Variants in SYT2 observed in about 807,000 individuals in gnomAD.
The protein encoded by SYT2 is synaptotagmin-2.
In SYT2, 15 loss-of-function variants were observed where a neutral mutation model predicts 39.9. The observed-to-expected ratio is 0.38, with a 90% CI of 0.25 to 0.58. The LOEUF (loss-of-function observed/expected upper bound fraction) is 0.58, where lower values mean the gene tolerates loss of function less well. Among genes scored for constraint, SYT2 ranks in the 20% least tolerant of loss-of-function variants. The pLI, the probability that SYT2 is intolerant of heterozygous loss-of-function variation, is 0.70. For synonymous variants in SYT2, 181 were observed against 204.5 expected (o/e 0.89, Z 0.98); for missense variants, 389 against 530.3 (o/e 0.73, Z 2.62).
chr1:202,704,777 G>A (rs1654207401), intron 1 of SYT2, among the ~76,000 whole-genome samples: 2 of 152,178 alleles, frequency 1.3e-5, no homozygotes, highest in African/African-American at 4.8e-5. Context: ...ATCACAGATA[G>A]GGCTGCTGAG....
rs2078309 is a variant in SYT2 at position 202,623,504 on chromosome 1, G to A, written c.-17-17715C>T. ...AACCCACAGGCAGCTGTCCTGGGGC[G>A]GAGGAGAGGGTCTTCCATTGGTTGG... On this transcript the variant is annotated intron_variant, in intron 1 of 8. Transcript: ENST00000367268. This position sits in a 1 kb window ranked among gnomAD's most constrained non-coding sequence, Gnocchi z 4.2. Among the ~76,000 whole-genome samples the A allele has an allele frequency of 6.7e-3, 1,025 of 152,352 alleles. 6 individuals are homozygous for A. The highest frequency in any genetic ancestry group is 7.4e-3 in the Non-Finnish European group (506 of 68,036).
intron 1 of SYT2, among the ~76,000 whole-genome samples, chr1:202,637,062 G>A (rs914612129): frequency 6.6e-6 from 1 of 152,136 alleles, no homozygotes; most frequent in Admixed American, 6.5e-5. Context: ...GTTCACGCCT[G>A]TAATCCCAGC....
At chr1:202,695,148 A>C (rs1400681779) in intron 1 of SYT2, among the ~76,000 whole-genome samples, 1 of 152,186 alleles carries the variant, frequency 6.6e-6, no homozygotes, top group African/African-American at 2.4e-5. Flanking sequence ...TCCTCAGTAG[A>C]AGTGGAAAGC....
intron 5 of SYT2, 57 bp from the exon 6 acceptor site, chr1:202,602,114 T>C (rs1690526079): frequency 1.3e-6 from 2 of 1,594,108 alleles, no homozygotes; most frequent in Non-Finnish European, 8.6e-7. Flanking sequence ...CCTCCAGGGG[T>C]GCTATGGGCA....
intron 1 of SYT2, among the ~76,000 whole-genome samples, chr1:202,633,173 G>A (rs950992440): frequency 1.3e-5 from 2 of 152,130 alleles, no homozygotes; most frequent in Non-Finnish European, 2.9e-5. Flanking sequence ...ATGACCTAGG[G>A]GAAGCCACTA....
chr1:202,649,114 A>G (rs915194594), intron 1 of SYT2, among the ~76,000 whole-genome samples: 1 of 152,244 alleles, frequency 6.6e-6, no homozygotes, highest in African/African-American at 2.4e-5. Context: ...AAGCCTTGAC[A>G]GACAGGCACA....
At chr1:202,637,283 T>C (rs1261899295) in intron 1 of SYT2, among the ~76,000 whole-genome samples, 2 of 151,644 alleles carry the variant, frequency 1.3e-5, no homozygotes, top group Non-Finnish European at 2.9e-5. Flanking sequence ...CCTCGGGAAG[T>C]TGAGGCTGCA....
At chr1:202,652,756 A>G (rs1238596560) in intron 1 of SYT2, among the ~76,000 whole-genome samples, 1 of 152,204 alleles carries the variant, frequency 6.6e-6, no homozygotes, top group Non-Finnish European at 1.5e-5. Context: ...CCTGGCTTCA[A>G]AATCAGACCC....
At chr1:202,611,912 A>AT (rs1393978503) in intron 1 of SYT2, among the ~76,000 whole-genome samples, 1 of 151,960 alleles carries the variant, frequency 6.6e-6, no homozygotes, top group Non-Finnish European at 1.5e-5. Context: ...GTGCAGTGGC[A>AT]TGATCATGGC....
chr1:202,602,859 C>G (rs1201441872), intron 4 of SYT2, 140 bp downstream of exon 4: 2 of 1,081,918 alleles, frequency 1.8e-6, no homozygotes, highest in East Asian at 4.9e-5. Flanking sequence ...AGCTATAGGC[C>G]CTGCAGTTTC....
intron 1 of SYT2, among the ~76,000 whole-genome samples, chr1:202,689,268 C>T (rs1057466589): frequency 6.6e-6 from 1 of 152,118 alleles, no homozygotes; most frequent in Non-Finnish European, 1.5e-5. Flanking sequence ...CAATGATAAG[C>T]CTCAGATCCT....
At chr1:202,691,089 C>T (rs1260547030) in intron 1 of SYT2, among the ~76,000 whole-genome samples, 1 of 152,174 alleles carries the variant, frequency 6.6e-6, no homozygotes, top group Non-Finnish European at 1.5e-5. Context: ...AAGAAATGGT[C>T]ACTTGGCATC....
chr1:202,638,562 A>G (rs1691811642), intron 1 of SYT2, among the ~76,000 whole-genome samples: 1 of 152,220 alleles, frequency 6.6e-6, no homozygotes, highest in African/African-American at 2.4e-5. Context: ...GCTCCAAACA[A>G]TAAGGGAAAT....
At chr1:202,648,736 C>G (rs1342504326) in intron 1 of SYT2, among the ~76,000 whole-genome samples, 1 of 152,196 alleles carries the variant, frequency 6.6e-6, no homozygotes, top group Non-Finnish European at 1.5e-5. Flanking sequence ...TGTTCACAGT[C>G]AGGCTCCAGA....
In SYT2 at chr1:202,595,452, C is replaced by A. The variant is rs1690254246; in HGVS notation, c.*1305G>T. ...CTCCAGCTACCTATCAGCTCTCCAG[C>A]ATGGAGGGCAGAGGGCCAAGGGAGC... On this transcript the variant is annotated 3_prime_UTR_variant, in exon 9 of 9. Transcript: ENST00000367268. The A allele has an allele frequency of 6.6e-6, 1 of 152,262 alleles. No homozygotes were observed. Among genetic ancestry groups the A allele is most frequent in the Admixed American group, 6.5e-5 (1 of 15,286 alleles). 9.4% of individuals were successfully genotyped at this position (152,262 alleles called of 1,614,324 possible).
At position 202,601,790 on chromosome 1, in the gene SYT2, G is replaced by A. The variant is rs61820902; in HGVS notation, c.801+100C>T. 0.062 allele frequency: 80,179 copies of A among 1,299,640 alleles called. 3,401 individuals carry two copies. The highest frequency in any genetic ancestry group is 0.18 in the South Asian group (12,874 of 72,634). 80.5% of individuals were successfully genotyped at this position (1,299,640 alleles called of 1,614,324 possible). On this transcript the variant is annotated intron_variant, in intron 6 of 8. Coordinates refer to ENST00000367268, the MANE Select transcript of SYT2 (RefSeq NM_177402.5). The surrounding 1 kb of genome is among the most constrained non-coding windows in gnomAD (Gnocchi z 4.0). ...TGGAGCTGGGATCCTAACACAGGTC[G>A]TCTGCCTCCAAAGCCCACCCTGTTT...
At chr1:202,636,204 C>T (rs1423342558) in intron 1 of SYT2, among the ~76,000 whole-genome samples, 1 of 152,110 alleles carries the variant, frequency 6.6e-6, no homozygotes, top group Non-Finnish European at 1.5e-5. Flanking sequence ...AGATACAAAA[C>T]CACCATCCTT....
rs1189036432 is a variant in SYT2 at position 202,623,182 on chromosome 1, A to C, written c.-17-17393T>G. On this transcript the variant is annotated intron_variant, in intron 1 of 8. Coordinates refer to ENST00000367268, the MANE Select transcript of SYT2 (RefSeq NM_177402.5). This position sits in a 1 kb window ranked among gnomAD's most constrained non-coding sequence, Gnocchi z 4.2. ...CTCTGCCACCCCAGCCAGGATCACA[A>C]CTTGAAACAGGACAGAGAAGCCCGC... 1.3e-5 allele frequency among the ~76,000 whole-genome samples: 2 copies of C among 152,176 alleles called. No homozygotes were observed. Among genetic ancestry groups the C allele is most frequent in the Non-Finnish European group, 2.9e-5 (2 of 68,026 alleles).
intron 1 of SYT2, among the ~76,000 whole-genome samples, chr1:202,702,009 GGCCTCTCCTCTGCCCCTTCCCCATT>G (rs1654134275): frequency 6.6e-6 from 1 of 152,138 alleles, no homozygotes; most frequent in Non-Finnish European, 1.5e-5. Context: ...ATGCTGTGGG[GGCCTCTCCTCTGCCCCTTCCCCATT>G]GCCTCACCTC....
Sources: allele counts gnomAD v4.1 joint callset (sites outside exome capture counted in the v4.1 genomes callset), GRCh38; gene constraint gnomAD v4.1.1; non-coding constraint Gnocchi (gnomAD v3.1); transcripts MANE v1.5; gene names NCBI Gene and HGNC (gene_info 2026-07-23, HGNC 2026-07-21).